FGFR2: variants seen among roughly 807,000 people sequenced by gnomAD.
FGFR2 encodes the protein fibroblast growth factor receptor 2, also known as BEK fibroblast growth factor receptor.
A neutral mutation model predicts 95.9 loss-of-function variants in FGFR2; 19 were observed. That is an observed-to-expected ratio of 0.20 (90% CI 0.14 to 0.29). The LOEUF (loss-of-function observed/expected upper bound fraction) is 0.29, where lower values mean the gene tolerates loss of function less well. FGFR2 is among the 10% of genes least tolerant of loss of function. The probability of loss-of-function intolerance (pLI) is 1.00; values close to 1 mark genes in which losing one functional copy is unlikely to be tolerated. For synonymous variants in FGFR2, 392 were observed against 393.3 expected, an observed-to-expected ratio of 1.00 and a Z score of 0.04; for missense variants, 707 against 1,056.9, an observed-to-expected ratio of 0.67 and a Z score of 4.59.
intron 5 of FGFR2, among the ~76,000 whole-genome samples, chr10:121,546,946 C>T (rs139824761): frequency 3.3e-3 from 504 of 152,282 alleles, no homozygotes; most frequent in Non-Finnish European, 5.1e-3. Context: ...GCAAATGGGA[C>T]GGGTGCAGTA....
At chr10:121,550,140 C>T (rs1038860065) in intron 5 of FGFR2, among the ~76,000 whole-genome samples, 4 of 152,200 alleles carry the variant, frequency 2.6e-5, no homozygotes, top group Non-Finnish European at 5.9e-5. Flanking sequence ...CCAACTCAGA[C>T]CTGAATCCTT....
At chr10:121,545,683 A>G (rs962201780) in intron 5 of FGFR2, among the ~76,000 whole-genome samples, 4 of 152,238 alleles carry the variant, frequency 2.6e-5, no homozygotes, top group South Asian at 2.1e-4. Flanking sequence ...CCCCCTAAAC[A>G]TACTTGTGGA....
chr10:121,498,742 C>A, intron 11 of FGFR2, 137 bp from the exon 12 acceptor site: 1 of 774,664 alleles, frequency 1.3e-6, no homozygotes, highest in East Asian at 2.7e-5. Context: ...AATCATCTCC[C>A]TCATTTTATC....
chr10:121,496,815 C>A (rs1589754525), intron 12 of FGFR2, 93 bp from the exon 13 acceptor site: 1 of 874,492 alleles, frequency 1.1e-6, no homozygotes, highest in East Asian at 2.6e-5. Flanking sequence ...ACAACCCATG[C>A]TTTTTTTTTT....
chr10:121,593,180 T>C (rs1862925817), intron 2 of FGFR2, among the ~76,000 whole-genome samples: 1 of 152,170 alleles, frequency 6.6e-6, no homozygotes, highest in Non-Finnish European at 1.5e-5. Flanking sequence ...TGCTTAAGTA[T>C]TATGAATTAC....
At chr10:121,575,748 C>T (rs994688023) in intron 2 of FGFR2, among the ~76,000 whole-genome samples, 4 of 150,710 alleles carry the variant, frequency 2.7e-5, no homozygotes, top group Non-Finnish European at 5.9e-5. Flanking sequence ...CCCAGCTACT[C>T]GGGAGGCTGA....
chr10:121,486,916 C>G (rs140446326), intron 15 of FGFR2, among the ~76,000 whole-genome samples: 3 of 152,246 alleles, frequency 2.0e-5, no homozygotes, highest in Non-Finnish European at 4.4e-5. Context: ...CTGTGGAGGT[C>G]CCCAGCCTGG....
intron 2 of FGFR2, among the ~76,000 whole-genome samples, chr10:121,580,433 G>A (rs997481249): frequency 5.3e-5 from 8 of 150,974 alleles, no homozygotes; most frequent in African/African-American, 1.2e-4. Context: ...GGGTTTGAAC[G>A]GTCTGCTTGA....
intron 6 of FGFR2, among the ~76,000 whole-genome samples, chr10:121,522,962 T>C (rs1446273246): frequency 6.6e-6 from 1 of 152,180 alleles, no homozygotes; most frequent in African/African-American, 2.4e-5. Flanking sequence ...ATTAGAACAA[T>C]AGATATCTAC....
intron 4 of FGFR2, among the ~76,000 whole-genome samples, chr10:121,558,689 C>A (rs541814925): frequency 6.7e-6 from 1 of 150,320 alleles, no homozygotes; most frequent in African/African-American, 2.5e-5. Flanking sequence ...CTCACTGCAA[C>A]CTCCACTTCC....
chr10:121,551,595 T>C (rs1564973418), intron 4 of FGFR2, 136 bp from the exon 5 acceptor site: 3 of 833,318 alleles, frequency 3.6e-6, no homozygotes, highest in Non-Finnish European at 5.6e-6. Flanking sequence ...AATATTTACA[T>C]TTGGAAAATA....
At position 121,517,427 on chromosome 10, in the gene FGFR2, C is replaced by T. The variant is rs972534891; in HGVS notation, c.976G>A (p.Val326Ile). The T allele has an allele frequency of 3.7e-6, 6 of 1,614,200 alleles. No homozygotes were observed. Among genetic ancestry groups the T allele is most frequent in the South Asian group, 1.1e-5 (1 of 91,082 alleles). ...GVNTTDKEIE[V>I]LYIRNVTFED... is the part of the protein sequence containing the mutation. ...AAAGTTACATTCCGAATATAGAGAA[C>T]CTCAATCTCTTTGTCCGTGGTGTTA... The change falls in exon 8 of 18, where the codon GTT (valine) becomes ATT (isoleucine). Residue 326 changes from valine to isoleucine, a missense_variant. Val to Ile is a conservative substitution (Grantham distance 29). Around this residue, in one of 7 missense-constraint regions of FGFR2, gnomAD observed 139 missense variants for 278.1 expected, o/e 0.50. Coordinates refer to ENST00000358487, the MANE Select transcript of FGFR2 (RefSeq NM_000141.5). The surrounding 1 kb of genome is among the most constrained non-coding windows in gnomAD (Gnocchi z 4.7).
chr10:121,521,649 A>G (rs115589493), intron 6 of FGFR2, among the ~76,000 whole-genome samples: 132,262 of 148,054 alleles, frequency 0.89, 60,717 homozygotes, highest in East Asian at 1. Flanking sequence ...GGATGGGAAG[A>G]AAAAAAAAAA....
At chr10:121,579,118 C>CA (rs1235358535) in intron 2 of FGFR2, among the ~76,000 whole-genome samples, 1 of 152,210 alleles carries the variant, frequency 6.6e-6, no homozygotes, top group African/African-American at 2.4e-5. Context: ...CGCTGAGCCT[C>CA]AGAGTCATGC....
intron 4 of FGFR2, among the ~76,000 whole-genome samples, chr10:121,553,565 C>T (rs531252611): frequency 7.9e-5 from 12 of 152,318 alleles, no homozygotes; most frequent in African/African-American, 2.6e-4. Context: ...TACACAAAGA[C>T]GTTTACAAAT....
chr10:121,569,209 CT>C (rs1425093561), intron 2 of FGFR2, among the ~76,000 whole-genome samples: 1 of 136,492 alleles, frequency 7.3e-6, no homozygotes, highest in Admixed American at 7.5e-5. Context: ...TTTTTCTTTT[CT>C]TTTCTTTTCT....
intron 6 of FGFR2, among the ~76,000 whole-genome samples, chr10:121,528,189 T>C (rs2981434): frequency 0.95 from 145,036 of 152,240 alleles, 69,495 homozygotes; most frequent in Middle Eastern, 1. Flanking sequence ...AGCTTTAAAA[T>C]GTTTGACTGA....
intron 6 of FGFR2, among the ~76,000 whole-genome samples, chr10:121,522,987 C>A (rs1850775517): frequency 6.6e-6 from 1 of 152,226 alleles, no homozygotes; most frequent in Admixed American, 6.5e-5. Flanking sequence ...TTGGACCTTT[C>A]AGATTAAAAC....
Position 121,520,196 on chromosome 10 carries a change from A to G in FGFR2, c.749-27T>C, listed in dbSNP as rs41295547. The G allele has an allele frequency of 9.6e-4, 1,540 of 1,604,210 alleles. 14 individuals are homozygous for G. The African/African-American group carries it at 0.017, about 18-fold the overall frequency. ...TGGTGGAGAGAGGGAAGAAAGGAGG[A>G]GTGGGGATGGGAGAATGAGAGACCA... On this transcript the variant is annotated intron_variant, in intron 6 of 17. Transcript: ENST00000358487.
Sources: gnomAD v4.1 joint callset for allele counts (sites outside exome capture counted in the v4.1 genomes callset) on GRCh38, gnomAD v4.1.1 for gene constraint, gnomAD v4.1.1 regional missense constraint, Gnocchi (gnomAD v3.1) non-coding constraint, MANE v1.5 for transcripts, NCBI Gene and HGNC (gene_info 2026-07-23, HGNC 2026-07-21) for gene names.